LTBP2: variants seen among roughly 807,000 people sequenced by gnomAD.
The protein encoded by LTBP2 is latent-transforming growth factor beta-binding protein 2.
In LTBP2, 103 loss-of-function variants were observed where a neutral mutation model predicts 210.6. The observed-to-expected ratio is 0.49, with a 90% confidence interval of 0.42 to 0.58. The LOEUF is 0.58. Among genes scored for constraint, LTBP2 ranks in the 20% least tolerant of loss-of-function variants. LTBP2 has a pLI of 0.00. For synonymous variants in LTBP2, 1,007 were observed against 1,015.0 expected (o/e 0.99, Z 0.15); for missense variants, 2,313 against 2,494.5 (o/e 0.93, Z 1.55).
chr14:74,571,061 G>A (rs111912611), intron 3 of LTBP2, among the ~76,000 whole-genome samples: 1,603 of 151,612 alleles, frequency 0.011, 40 homozygotes, highest in African/African-American at 0.037. Context: ...AGTGGGCACG[G>A]TGGCTCATGC....
chr14:74,571,232 G>A (rs2087972568), intron 3 of LTBP2, among the ~76,000 whole-genome samples: 1 of 152,136 alleles, frequency 6.6e-6, no homozygotes, highest in Non-Finnish European at 1.5e-5. Flanking sequence ...TACTTAGGAG[G>A]CTGAGGCAGG....
In LTBP2 at chr14:74,501,384, A is replaced by G; in HGVS notation, c.5320+57T>C. On this transcript the variant is annotated intron_variant, in intron 35 of 35. Transcript: ENST00000261978. ...TGGCTCTTCCAGCCTTCCTGAGTTC[A>G]GGCGTCTCTGTGGGCAGTGGGCCAG... The G allele has an allele frequency of 1.9e-6, 3 of 1,612,936 alleles. No homozygotes were observed. In the African/African-American group the frequency reaches 4.0e-5, roughly 22 times the overall value.
At chr14:74,565,388 G>A (rs1208842535) in intron 3 of LTBP2, among the ~76,000 whole-genome samples, 1 of 152,164 alleles carries the variant, frequency 6.6e-6, no homozygotes, top group African/African-American at 2.4e-5. Flanking sequence ...GGTAGAGAGT[G>A]GACTAAAGAG....
At position 74,503,361 on chromosome 14, in the gene LTBP2, G is replaced by A; in HGVS notation, c.4746C>T (p.His1582=). The A allele has an allele frequency of 6.2e-7, 1 of 1,613,362 alleles. No individual in the cohort carries two copies. The highest frequency in any genetic ancestry group is 8.5e-7 in the Non-Finnish European group (1 of 1,179,924). The change falls in exon 33 of 36, where the codon CAC becomes CAT. Residue 1582 remains histidine, a synonymous_variant. Coordinates refer to ENST00000261978, the MANE Select transcript of LTBP2 (RefSeq NM_000428.3). ...TGACTTTTTTCCAGCAGATGTCCAT[G>A]TGGATGTCGTGGTCAGGGAGGTCCT... The part of the protein sequence containing the change: ...STEDLPDHDI[H]MDICWKKVTN...
intron 3 of LTBP2, among the ~76,000 whole-genome samples, chr14:74,557,919 A>C (rs2087749179): frequency 3.9e-5 from 6 of 152,192 alleles, no homozygotes; most frequent in Admixed American, 3.9e-4. Flanking sequence ...TCAGCCTGGA[A>C]GCCTCTGCTC....
chr14:74,556,855 T>C (rs1330879809), intron 3 of LTBP2, among the ~76,000 whole-genome samples: 1 of 152,198 alleles, frequency 6.6e-6, no homozygotes, highest in African/African-American at 2.4e-5. Context: ...CTTACCTATA[T>C]GACTTTGTCT....
At chr14:74,568,158 G>A (rs560899383) in intron 3 of LTBP2, among the ~76,000 whole-genome samples, 2 of 152,322 alleles carry the variant, frequency 1.3e-5, no homozygotes, top group South Asian at 2.1e-4. Flanking sequence ...GCGTGGTCCC[G>A]GTGCTGGGTG....
chr14:74,559,763 G>C (rs1595275998), intron 3 of LTBP2: 1 of 152,226 alleles, frequency 6.6e-6, no homozygotes, highest in East Asian at 1.9e-4. Flanking sequence ...TTCTTTCCTA[G>C]TCTCAGGTTG....
At chr14:74,533,502 T>C (rs897586688) in intron 9 of LTBP2, among the ~76,000 whole-genome samples, 6 of 152,040 alleles carry the variant, frequency 3.9e-5, no homozygotes, top group African/African-American at 1.4e-4. Flanking sequence ...CCTGGGAGCA[T>C]GTCTGCAGTG....
At chr14:74,501,169 A>G in intron 35 of LTBP2, 140 bp from the exon 36 acceptor site, 1 of 1,145,934 alleles carries the variant, frequency 8.7e-7, no homozygotes, top group Non-Finnish European at 1.3e-6. Flanking sequence ...GTCACTTCCC[A>G]AAACCAAGCA....
Position 74,505,000 on chromosome 14 carries a change from C to A in LTBP2, c.4352G>T (p.Cys1451Phe). The change falls in exon 29 of 36, where the codon TGC (cysteine) becomes TTC (phenylalanine). Residue 1451 changes from cysteine to phenylalanine, a missense_variant. Coordinates refer to ENST00000261978, the MANE Select transcript of LTBP2 (RefSeq NM_000428.3). ...GGTCTTACCTGAGTCCTCAGACGGGCAGAGGTCACAGGCATCTCCCCAGCT... is the reference window on the plus strand; with the variant it reads ...GGTCTTACCTGAGTCCTCAGACGGGAAGAGGTCACAGGCATCTCCCCAGCT... ...GASWGDACDL[C>F]PSEDSAEFSE... 6.2e-7 allele frequency: 1 copy of A among 1,614,200 alleles called. No individual in the cohort carries two copies. The highest frequency in any genetic ancestry group is 8.5e-7 in the Non-Finnish European group (1 of 1,180,036).
intron 8 of LTBP2, among the ~76,000 whole-genome samples, chr14:74,540,359 G>A (rs543003857): frequency 4.6e-5 from 7 of 151,970 alleles, no homozygotes; most frequent in Non-Finnish European, 7.4e-5. Context: ...TGTGGTCCTC[G>A]CTACTCAGGA....
chr14:74,582,393 T>TACACACAC (rs1491144261), intron 3 of LTBP2, among the ~76,000 whole-genome samples: 1 of 87,518 alleles, frequency 1.1e-5, no homozygotes, highest in African/African-American at 4.7e-5. Flanking sequence ...CACACACACA[T>TACACACAC]ACATACACAC....
chr14:74,597,573 C>T (rs1037792864), intron 2 of LTBP2, among the ~76,000 whole-genome samples: 12 of 152,192 alleles, frequency 7.9e-5, no homozygotes, highest in African/African-American at 2.9e-4. Flanking sequence ...GGACACAGCA[C>T]CTGGCTTCAG....
At chr14:74,601,952 G>A (rs2088454050) in intron 2 of LTBP2, among the ~76,000 whole-genome samples, 1 of 152,198 alleles carries the variant, frequency 6.6e-6, no homozygotes, top group African/African-American at 2.4e-5. Context: ...GGCAGAGGCA[G>A]GGGCAGTCAC....
At chr14:74,536,648 C>A (rs1401848264) in intron 8 of LTBP2, among the ~76,000 whole-genome samples, 1 of 152,158 alleles carries the variant, frequency 6.6e-6, no homozygotes, top group Admixed American at 6.5e-5. Flanking sequence ...GAGTTCGAGA[C>A]CAGTCTGGCT....
chr14:74,536,236 A>ATT (rs2087420263), intron 8 of LTBP2, among the ~76,000 whole-genome samples: 1 of 152,222 alleles, frequency 6.6e-6, no homozygotes, highest in African/African-American at 2.4e-5. Context: ...AGAAAGACAA[A>ATT]TATCACATGA....
At chr14:74,574,634 T>C (rs986887029) in intron 3 of LTBP2, among the ~76,000 whole-genome samples, 2 of 152,172 alleles carry the variant, frequency 1.3e-5, no homozygotes, top group African/African-American at 4.8e-5. Flanking sequence ...ATCACCGAAC[T>C]GTAGGCTCTG....
chr14:74,545,660 C>T (rs182053254), intron 8 of LTBP2, among the ~76,000 whole-genome samples: 82 of 152,336 alleles, frequency 5.4e-4, no homozygotes, highest in African/African-American at 1.9e-3. Flanking sequence ...TCCAGTCAGC[C>T]CAGATGTCTG....
Sources: allele counts gnomAD v4.1 joint callset (sites outside exome capture counted in the v4.1 genomes callset), GRCh38; gene constraint gnomAD v4.1.1; transcripts MANE v1.5; gene names NCBI Gene and HGNC (gene_info 2026-07-23, HGNC 2026-07-21).